DLG2: variants seen among roughly 807,000 people sequenced by gnomAD.
DLG2 encodes discs large MAGUK scaffold protein 2, also known as disks large homolog 2.
A neutral mutation model predicts 132.5 loss-of-function variants in DLG2; 45 were observed. The observed-to-expected ratio is 0.34, with a 90% CI of 0.27 to 0.44. DLG2 has a LOEUF of 0.44. DLG2 is among the 20% of genes least tolerant of loss of function. The probability of loss-of-function intolerance (pLI) is 1.00; values close to 1 mark genes in which losing one functional copy is unlikely to be tolerated. For synonymous variants in DLG2, 424 were observed against 419.6 expected, an observed-to-expected ratio of 1.01 and a Z score of -0.13; for missense variants, 1,045 against 1,196.9, an observed-to-expected ratio of 0.87 and a Z score of 1.87.
chr11:83,978,545 AAACT>A (rs1351651730), intron 12 of DLG2, among the ~76,000 whole-genome samples: 33 of 152,268 alleles, frequency 2.2e-4, no homozygotes, highest in African/African-American at 7.7e-4. Flanking sequence ...TCATAAGAAC[AAACT>A]TTTACATCAA....
chr11:84,303,986 A>T (rs770048409), intron 7 of DLG2, among the ~76,000 whole-genome samples: 13 of 152,312 alleles, frequency 8.5e-5, no homozygotes, highest in Non-Finnish European at 1.8e-4. Context: ...AGCACTAGGG[A>T]AACAGGTAAA....
chr11:84,918,736 A>G (rs2092615701), intron 6 of DLG2, among the ~76,000 whole-genome samples: 1 of 152,198 alleles, frequency 6.6e-6, no homozygotes, highest in South Asian at 2.1e-4. Context: ...CAAATCCAGT[A>G]CTATTCAAAC....
chr11:85,502,581 A>G (rs1402771443), intron 3 of DLG2, among the ~76,000 whole-genome samples: 1 of 152,010 alleles, frequency 6.6e-6, no homozygotes, highest in African/African-American at 2.4e-5. Context: ...GTTCTCACTT[A>G]TAAGTTGGAG....
chr11:83,753,825 A>G (rs1451961290), intron 18 of DLG2, among the ~76,000 whole-genome samples: 1 of 34,110 alleles, frequency 2.9e-5, no homozygotes, highest in Non-Finnish European at 4.5e-5. Context: ...TATATATTTC[A>G]TATATATATG....
In DLG2 at chr11:84,759,020, G is replaced by A. The variant is rs545756841; in HGVS notation, c.358-224289C>T. ...AGCCTCCTGAGTATCTGGAACTACA[G>A]GCACGCACCACCATGCCTGGCTAAT... On this transcript the variant is annotated intron_variant, in intron 6 of 27. Transcript: ENST00000376104. Among the ~76,000 whole-genome samples, 11 of 152,210 alleles carry A rather than the reference G, an allele frequency of 7.2e-5. No individual in the cohort carries two copies. The South Asian group carries it at 2.3e-3, about 32-fold the overall frequency.
chr11:84,512,142 A>G (rs1302464911), intron 7 of DLG2, among the ~76,000 whole-genome samples: 1 of 152,154 alleles, frequency 6.6e-6, no homozygotes, highest in Non-Finnish European at 1.5e-5. Context: ...AACAGACCAC[A>G]TGGCATTTCC....
At chr11:83,674,797 C>T (rs983122724) in intron 18 of DLG2, among the ~76,000 whole-genome samples, 1 of 152,156 alleles carries the variant, frequency 6.6e-6, no homozygotes, top group Non-Finnish European at 1.5e-5. Flanking sequence ...ATTTTATACA[C>T]CAGAAGCAAG....
chr11:84,831,988 A>C lies in DLG2; in HGVS notation c.357+279673T>G, dbSNP rs1264601881. Among the ~76,000 whole-genome samples the C allele has an allele frequency of 2.0e-5, 3 of 151,622 alleles. No homozygotes were observed. The East Asian group carries it at 5.9e-4, about 30-fold the overall frequency. On this transcript the variant is annotated intron_variant, in intron 6 of 27. Transcript: ENST00000376104. ...ATGGCAGGTACTGTTCAAGTTCCTAAGAACTGCAGGAAATAAAAAGTATTG... is the reference window on the plus strand; with the variant it reads ...ATGGCAGGTACTGTTCAAGTTCCTACGAACTGCAGGAAATAAAAAGTATTG...
At chr11:85,352,646 C>A (rs959004787) in intron 3 of DLG2, among the ~76,000 whole-genome samples, 1 of 152,042 alleles carries the variant, frequency 6.6e-6, no homozygotes. Flanking sequence ...GAGATATAGA[C>A]CAGTGGAACA....
intron 2 of DLG2, among the ~76,000 whole-genome samples, chr11:85,599,666 C>G (rs1184633591): frequency 6.6e-6 from 1 of 152,138 alleles, no homozygotes. Flanking sequence ...AACTGAACAC[C>G]TACTTTCTCT....
intron 3 of DLG2, among the ~76,000 whole-genome samples, chr11:85,387,554 C>T (rs1050248146): frequency 6.6e-6 from 1 of 152,144 alleles, no homozygotes; most frequent in African/African-American, 2.4e-5. Flanking sequence ...GACAAATGAC[C>T]AGTGTATGTC....
At chr11:84,219,348 G>A (rs1309100315) in intron 8 of DLG2, among the ~76,000 whole-genome samples, 1 of 152,122 alleles carries the variant, frequency 6.6e-6, no homozygotes, top group Admixed American at 6.5e-5. Context: ...GTACTCTATT[G>A]TTACGGGGAG....
intron 6 of DLG2, among the ~76,000 whole-genome samples, chr11:84,592,405 G>A (rs2099545541): frequency 6.6e-6 from 1 of 152,070 alleles, no homozygotes; most frequent in Admixed American, 6.5e-5. Flanking sequence ...ACACAGGCAT[G>A]GGCAAAGACT....
At chr11:83,581,956 T>TG (rs1396618598) in intron 19 of DLG2, among the ~76,000 whole-genome samples, 3 of 129,310 alleles carry the variant, frequency 2.3e-5, no homozygotes, top group Admixed American at 8.0e-5. Flanking sequence ...CTCTTTTTTT[T>TG]TTTTTTTTTT....
chr11:83,565,438 T>C (rs897051449), intron 19 of DLG2, among the ~76,000 whole-genome samples: 11 of 152,196 alleles, frequency 7.2e-5, no homozygotes, highest in Admixed American at 5.9e-4. Flanking sequence ...ATTAAGCCCT[T>C]GTGCAGTTTT....
chr11:84,138,292 G>GA (rs1402108415), intron 9 of DLG2, among the ~76,000 whole-genome samples: 9 of 152,150 alleles, frequency 5.9e-5, no homozygotes, highest in Non-Finnish European at 1.3e-4. Context: ...AACATTTGGG[G>GA]AAAAAATTCC....
chr11:84,242,822 A>C (rs2097250134), intron 8 of DLG2, among the ~76,000 whole-genome samples: 1 of 152,164 alleles, frequency 6.6e-6, no homozygotes, highest in African/African-American at 2.4e-5. Context: ...GAGTCTTCAA[A>C]GTTAAGCTTT....
chr11:83,872,525 AG>A (rs1039092672), intron 16 of DLG2, among the ~76,000 whole-genome samples: 83 of 152,304 alleles, frequency 5.4e-4, no homozygotes, highest in African/African-American at 1.9e-3. Flanking sequence ...TTTTTGTAAA[AG>A]GAGTCACTCT....
At chr11:84,136,516 A>G (rs1348464830) in intron 9 of DLG2, among the ~76,000 whole-genome samples, 1 of 152,198 alleles carries the variant, frequency 6.6e-6, no homozygotes, top group Non-Finnish European at 1.5e-5. Context: ...ATGAGAATCT[A>G]TTCTATCTAG....
Sources: gnomAD v4.1 joint callset for allele counts (sites outside exome capture counted in the v4.1 genomes callset) on GRCh38, gnomAD v4.1.1 for gene constraint, MANE v1.5 for transcripts, NCBI Gene and HGNC (gene_info 2026-07-23, HGNC 2026-07-21) for gene names.